DLG2: variants seen among roughly 807,000 people sequenced by gnomAD.
DLG2 encodes disks large homolog 2.
DLG2 carries 45 observed loss-of-function variants against 132.5 expected under a neutral mutation model. That is an observed-to-expected ratio of 0.34 (90% confidence interval 0.27 to 0.44). The LOEUF (loss-of-function observed/expected upper bound fraction) is 0.44. Ranked by LOEUF, DLG2 falls within the 20% of genes least tolerant of loss-of-function variation. DLG2 has a pLI of 1.00. For synonymous variants in DLG2, 424 were observed against 419.6 expected (o/e 1.01, Z -0.13); for missense variants, 1,045 against 1,196.9 (o/e 0.87, Z 1.87).
At chr11:84,320,247 A>C (rs560512108) in intron 7 of DLG2, among the ~76,000 whole-genome samples, 1 of 152,334 alleles carries the variant, frequency 6.6e-6, no homozygotes, top group East Asian at 1.9e-4. Context: ...ACTAGTTTCA[A>C]AGCAAGCGTT....
intron 6 of DLG2, among the ~76,000 whole-genome samples, chr11:84,798,049 C>T (rs1164146351): frequency 6.6e-6 from 1 of 152,136 alleles, no homozygotes; most frequent in African/African-American, 2.4e-5. Flanking sequence ...TGCGCTGAGC[C>T]ACCTGGAGCT....
chr11:85,391,507 T>A (rs2086794029), intron 3 of DLG2, among the ~76,000 whole-genome samples: 1 of 151,902 alleles, frequency 6.6e-6, no homozygotes. Flanking sequence ...CAGACCAATA[T>A]CTCTGATGAA....
intron 3 of DLG2, among the ~76,000 whole-genome samples, chr11:85,398,776 G>A (rs1044075841): frequency 7.9e-5 from 12 of 152,064 alleles, no homozygotes; most frequent in South Asian, 2.1e-4. Context: ...AAATTGAGGC[G>A]ATAATTAATA....
At chr11:84,120,846 T>C (rs1429064211) in intron 9 of DLG2, among the ~76,000 whole-genome samples, 1 of 152,224 alleles carries the variant, frequency 6.6e-6, no homozygotes, top group Non-Finnish European at 1.5e-5. Flanking sequence ...GTGTGTAAAC[T>C]TATATTATGT....
At chr11:85,200,724 A>C (rs1022426233) in intron 4 of DLG2, among the ~76,000 whole-genome samples, 2 of 152,082 alleles carry the variant, frequency 1.3e-5, no homozygotes, top group African/African-American at 4.8e-5. Context: ...CTGGAGATAC[A>C]CATGCTCATT....
intron 3 of DLG2, among the ~76,000 whole-genome samples, chr11:85,573,596 T>C (rs1218117457): frequency 6.6e-6 from 1 of 152,196 alleles, no homozygotes; most frequent in East Asian, 1.9e-4. Flanking sequence ...TTGACTGTGC[T>C]TTGTGTTTCT....
chr11:84,924,255 T>A (rs897992301), intron 6 of DLG2, among the ~76,000 whole-genome samples: 58 of 152,276 alleles, frequency 3.8e-4, no homozygotes, highest in Admixed American at 2.9e-3. Flanking sequence ...GGGAAGCCGA[T>A]TCTCAGCTAG....
intron 6 of DLG2, among the ~76,000 whole-genome samples, chr11:84,974,729 T>G (rs920247349): frequency 6.6e-6 from 1 of 152,124 alleles, no homozygotes; most frequent in Non-Finnish European, 1.5e-5. Flanking sequence ...AGAAATACAC[T>G]CTCCAGTCCC....
chr11:85,257,458 A>T (rs1172965775), intron 4 of DLG2, among the ~76,000 whole-genome samples: 1 of 152,240 alleles, frequency 6.6e-6, no homozygotes. Flanking sequence ...CACGTAGTGG[A>T]TTTCTGAAAC....
chr11:84,559,870 T>G (rs1044524351), intron 6 of DLG2, among the ~76,000 whole-genome samples: 4 of 152,144 alleles, frequency 2.6e-5, no homozygotes, highest in Non-Finnish European at 5.9e-5. Context: ...AGTTACTGAG[T>G]GACTATGAGA....
At chr11:85,285,396 A>C in intron 3 of DLG2, 31 bp from the exon 4 acceptor site, 1 of 1,599,356 alleles carries the variant, frequency 6.3e-7, no homozygotes. Flanking sequence ...AAGCATCAAA[A>C]TGTAATGCAT....
Position 83,467,771 on chromosome 11 carries a change from GTATATATATATATA to G in DLG2, c.2620-968_2620-955del, listed in dbSNP as rs1192401405. The stretch of plus-strand genomic sequence containing the variant: ...ATCTCAAAAAAAATAAAAACTATAT[GTATATATATATATA>G]TATATATATATATATATATATATAT... On this transcript the variant is annotated intron_variant, in intron 25 of 27. Coordinates refer to ENST00000376104, the MANE Select transcript of DLG2 (RefSeq NM_001142699.3). Among the ~76,000 whole-genome samples the G allele has an allele frequency of 7.7e-3, 654 of 85,062 alleles. 22 individuals are homozygous for G. The highest frequency in any genetic ancestry group is 0.019 in the African/African-American group (465 of 24,028). 55.8% of individuals were successfully genotyped at this position (85,062 alleles called of 152,430 possible).
At chr11:83,547,843 T>A (rs1231509766) in intron 19 of DLG2, among the ~76,000 whole-genome samples, 1 of 152,158 alleles carries the variant, frequency 6.6e-6, no homozygotes, top group African/African-American at 2.4e-5. Context: ...AGTGAGGTGC[T>A]ATGTAACAAA....
chr11:83,696,416 A>G (rs2081955232), intron 18 of DLG2, among the ~76,000 whole-genome samples: 1 of 152,092 alleles, frequency 6.6e-6, no homozygotes, highest in African/African-American at 2.4e-5. Context: ...CACTTTATAT[A>G]TGTACTTGGT....
rs922331462 is a variant in DLG2 at position 84,696,945 on chromosome 11, G to A, written c.358-162214C>T. 8.6e-5 allele frequency among the ~76,000 whole-genome samples: 13 copies of A among 151,256 alleles called. No homozygotes were observed. In the East Asian group the frequency reaches 2.5e-3, roughly 30 times the overall value. ...TGAGGCTTAAAATATTAAATAACTT[G>A]CCCACATTGAAGGGTTCAAAAATAT... On this transcript the variant is annotated intron_variant, in intron 6 of 27. Coordinates refer to ENST00000376104, the MANE Select transcript of DLG2 (RefSeq NM_001142699.3).
intron 18 of DLG2, among the ~76,000 whole-genome samples, chr11:83,720,171 G>A (rs1167582287): frequency 1.3e-5 from 2 of 151,312 alleles, no homozygotes; most frequent in Non-Finnish European, 2.9e-5. Context: ...GCTCGTGCCT[G>A]TAGTCCCAGC....
At chr11:85,499,522 A>G (rs2093746253) in intron 3 of DLG2, among the ~76,000 whole-genome samples, 2 of 152,258 alleles carry the variant, frequency 1.3e-5, no homozygotes, top group African/African-American at 4.8e-5. Context: ...AGTTACAAAG[A>G]GGAACTGGTA....
intron 4 of DLG2, among the ~76,000 whole-genome samples, chr11:85,156,400 A>C (rs1023819780): frequency 8.5e-5 from 13 of 152,222 alleles, no homozygotes; most frequent in Non-Finnish European, 1.6e-4. Flanking sequence ...AGATTAAATT[A>C]GATGAAAAGT....
chr11:84,618,867 T>C (rs1035857484), intron 6 of DLG2, among the ~76,000 whole-genome samples: 1 of 151,990 alleles, frequency 6.6e-6, no homozygotes, highest in African/African-American at 2.4e-5. Context: ...TAATTTAAAA[T>C]AGCCATGAGT....
Sources: allele counts gnomAD v4.1 joint callset (sites outside exome capture counted in the v4.1 genomes callset), GRCh38; gene constraint gnomAD v4.1.1; transcripts MANE v1.5; gene names NCBI Gene and HGNC (gene_info 2026-07-23, HGNC 2026-07-21).